Variants in SOX5 observed in about 807,000 individuals in gnomAD.
SOX5 encodes SRY-box transcription factor 5, also known as transcription factor SOX-5.
A neutral mutation model predicts 92.0 loss-of-function variants in SOX5; 9 were observed. The ratio of observed to expected loss-of-function variants is 0.10; its 90% CI spans 0.06 to 0.17. SOX5 has a LOEUF of 0.17. Among genes scored for constraint, SOX5 ranks in the 10% least tolerant of loss-of-function variants. The pLI is 1.00. For missense variants in SOX5, 642 were observed against 944.5 expected (o/e 0.68, Z 4.20); for synonymous variants, 344 against 336.3 (o/e 1.02, Z -0.25).
At chr12:23,950,476 A>T (rs1419868418), upstream of SOX5, among the ~76,000 whole-genome samples, 2 of 152,198 alleles carry the variant, frequency 1.3e-5, no homozygotes, top group African/African-American at 2.4e-5. Context: ...CTCAGCTCTA[A>T]ACTCCATAAA....
chr12:24,553,000 C>A (rs1214955044), intron 1 of SOX5, among the ~76,000 whole-genome samples: 1 of 152,104 alleles, frequency 6.6e-6, no homozygotes, highest in Admixed American at 6.5e-5. Flanking sequence ...CCACTGCACT[C>A]CAGCCTGGGT....
At chr12:23,624,199 A>T (rs2077497744) in intron 8 of SOX5, among the ~76,000 whole-genome samples, 1 of 152,114 alleles carries the variant, frequency 6.6e-6, no homozygotes, top group South Asian at 2.1e-4. Flanking sequence ...GAGAATGAGG[A>T]GTTGTTGAAA....
intron 13 of SOX5, among the ~76,000 whole-genome samples, chr12:23,539,624 G>GA (rs1565636956): frequency 1.3e-5 from 2 of 149,862 alleles, no homozygotes; most frequent in Admixed American, 1.3e-4. Flanking sequence ...AAAAAAAGAG[G>GA]AAAAAAAGAT....
intron 3 of SOX5, among the ~76,000 whole-genome samples, chr12:23,801,639 T>C (rs2095660650): frequency 6.6e-6 from 1 of 152,190 alleles, no homozygotes; most frequent in Non-Finnish European, 1.5e-5. Flanking sequence ...GCATGTATTA[T>C]TGTTCCTAGG....
intron 3 of SOX5, among the ~76,000 whole-genome samples, chr12:24,268,695 T>A (rs1019483890): frequency 6.6e-6 from 1 of 152,222 alleles, no homozygotes; most frequent in Admixed American, 6.5e-5. Flanking sequence ...GTATGTAGCA[T>A]CAGGAGCCTT....
At chr12:24,293,724 T>C (rs927953641) in intron 2 of SOX5, among the ~76,000 whole-genome samples, 9 of 152,214 alleles carry the variant, frequency 5.9e-5, no homozygotes, top group African/African-American at 1.9e-4. Context: ...ATTTTTGTTA[T>C]CACTTTTTTA....
intron 1 of SOX5, among the ~76,000 whole-genome samples, chr12:24,404,929 G>A (rs1407275900): frequency 6.6e-6 from 1 of 152,034 alleles, no homozygotes; most frequent in Non-Finnish European, 1.5e-5. Context: ...TTATAAAAAG[G>A]GGAAATTTGG....
At chr12:23,933,068 G>C (rs969587865) in intron 1 of SOX5, among the ~76,000 whole-genome samples, 1 of 151,580 alleles carries the variant, frequency 6.6e-6, no homozygotes, top group Non-Finnish European at 1.5e-5. Context: ...ACTTGTATTA[G>C]ATCCCCTTTT....
chr12:24,560,717 G>A (rs1954251796), intron 1 of SOX5, among the ~76,000 whole-genome samples: 1 of 152,172 alleles, frequency 6.6e-6, no homozygotes, highest in African/African-American at 2.4e-5. Flanking sequence ...CCTTTTAAAT[G>A]CTATAAAAGT....
intron 1 of SOX5, among the ~76,000 whole-genome samples, chr12:24,371,334 A>G (rs1956714790): frequency 6.6e-6 from 1 of 151,984 alleles, no homozygotes; most frequent in Non-Finnish European, 1.5e-5. Flanking sequence ...GTTCGGAGAC[A>G]GATTTTTCCC....
intron 4 of SOX5, among the ~76,000 whole-genome samples, chr12:24,002,621 A>C (rs1286551276): frequency 6.6e-6 from 1 of 151,366 alleles, no homozygotes; most frequent in Non-Finnish European, 1.5e-5. Flanking sequence ...CCAAAAAAAA[A>C]CCTGCTGGCA....
chr12:24,442,137 T>A (rs1441929036), intron 1 of SOX5, among the ~76,000 whole-genome samples: 4 of 152,232 alleles, frequency 2.6e-5, no homozygotes, highest in Non-Finnish European at 5.9e-5. Context: ...AAGGTATCTA[T>A]GAGAAACAAT....
intron 3 of SOX5, among the ~76,000 whole-genome samples, chr12:23,781,558 A>G (rs1169800736): frequency 1.3e-5 from 2 of 152,126 alleles, no homozygotes; most frequent in Non-Finnish European, 2.9e-5. Context: ...TGAAAGTAAA[A>G]GAAAGGAAAT....
At chr12:23,622,815 G>T (rs117855589) in intron 8 of SOX5, among the ~76,000 whole-genome samples, 3,125 of 152,132 alleles carry the variant, frequency 0.021, 50 homozygotes, top group Middle Eastern at 0.044. Context: ...ATATGGTATT[G>T]TTAATGCCAC....
At chr12:24,505,137 A>G (rs1462893487) in intron 1 of SOX5, among the ~76,000 whole-genome samples, 1 of 152,224 alleles carries the variant, frequency 6.6e-6, no homozygotes, top group Non-Finnish European at 1.5e-5. Flanking sequence ...AGGCAGCCCT[A>G]TTGTGCCTAA....
In SOX5 at chr12:23,563,299, C is replaced by T. The variant is rs1946531944; in HGVS notation, c.1447G>A (p.Val483Ile). ...EQQVLDGKVA[V>I]VNSLGLNNCR... is the part of the protein sequence containing the mutation. ...TTATTGAGACCCAGACTATTCACAA[C>T]AGCCACCTTCCCATCAAGCACCTGT... Residue 483 changes from valine to isoleucine, a missense_variant, in exon 11 of 15, where the codon GTT becomes ATT. Transcript: ENST00000451604. 2 of 1,614,018 alleles carry T rather than the reference C, an allele frequency of 1.2e-6. No individual in the cohort carries two copies. The highest frequency in any genetic ancestry group is 1.6e-4 in the Middle Eastern group (1 of 6,062).
intron 1 of SOX5, among the ~76,000 whole-genome samples, chr12:24,412,115 AC>A (rs1964209970): frequency 1.3e-5 from 2 of 152,294 alleles, no homozygotes; most frequent in Admixed American, 1.3e-4. Context: ...CTGCAGTGAT[AC>A]ATCCGTATCG....
intron 3 of SOX5, among the ~76,000 whole-genome samples, chr12:23,802,151 G>T (rs549282328): frequency 6.6e-6 from 1 of 152,100 alleles, no homozygotes; most frequent in South Asian, 2.1e-4. Flanking sequence ...TCGGCTCACT[G>T]CAAGCTCTGC....
chr12:24,413,256 A>T (rs977823453), intron 1 of SOX5, among the ~76,000 whole-genome samples: 2 of 152,120 alleles, frequency 1.3e-5, no homozygotes, highest in African/African-American at 4.8e-5. Context: ...CACATTTAGA[A>T]TTGTCATGTC....
Sources: allele counts gnomAD v4.1 joint callset (sites outside exome capture counted in the v4.1 genomes callset), GRCh38; gene constraint gnomAD v4.1.1; transcripts MANE v1.5; gene names NCBI Gene and HGNC (gene_info 2026-07-23, HGNC 2026-07-21).